RNF130: variants seen among roughly 807,000 people sequenced by gnomAD.
RNF130 encodes ring finger protein 130.
In RNF130, 21 loss-of-function variants were observed where a neutral mutation model predicts 44.6. The ratio of observed to expected loss-of-function variants is 0.47; its 90% confidence interval spans 0.33 to 0.68. The LOEUF is 0.68. Among genes scored for constraint, RNF130 ranks in the 30% least tolerant of loss-of-function variants. RNF130 has a pLI of 0.02. For missense variants in RNF130, 479 were observed against 560.6 expected (o/e 0.85, Z 1.47); for synonymous variants, 214 against 210.4 (o/e 1.02, Z -0.15).
At chr5:179,955,915 A>G (rs1762202549) in intron 8 of RNF130, 1 of 393,870 alleles carries the variant, frequency 2.5e-6, no homozygotes, top group East Asian at 3.7e-5. Flanking sequence ...GGTCAGGCCC[A>G]TGGCGTGTTG....
At chr5:179,918,626 A>T (rs1254898543) in exon 8 of RNF130, 1 of 152,182 alleles carries the variant, frequency 6.6e-6, no homozygotes, top group Non-Finnish European at 1.5e-5. Context: ...TGCTATATTG[A>T]AGCTGCTCAT....
At chr5:180,039,460 A>T (rs890688696) in intron 2 of RNF130, among the ~76,000 whole-genome samples, 7 of 151,774 alleles carry the variant, frequency 4.6e-5, no homozygotes, top group Admixed American at 3.9e-4. Flanking sequence ...GTGGTTTCAA[A>T]CTCCTGACCT....
intron 7 of RNF130, among the ~76,000 whole-genome samples, chr5:179,934,421 G>C (rs1449650998): frequency 1.3e-5 from 2 of 151,950 alleles, no homozygotes; most frequent in African/African-American, 2.4e-5. Flanking sequence ...TTGCAGTGAT[G>C]TCTCTTTTCA....
intron 5 of RNF130, among the ~76,000 whole-genome samples, chr5:179,974,745 T>G (rs547683942): frequency 6.6e-6 from 1 of 151,732 alleles, no homozygotes; most frequent in Non-Finnish European, 1.5e-5. Context: ...GAAATGCGAG[T>G]GTCACGAGAT....
Position 179,926,373 on chromosome 5 carries a change from C to T in RNF130, c.1151-5947G>A, listed in dbSNP as rs529764123. Among the ~76,000 whole-genome samples, 20 of 152,184 alleles carry T rather than the reference C, an allele frequency of 1.3e-4. No homozygotes were observed. In the South Asian group the frequency reaches 2.3e-3, roughly 17 times the overall value. ...TTCATAATAAATCTCAGGCCGGGTG[C>T]GGTGGCTCATGCCTATAATCCCAGC... On this transcript the variant is annotated intron_variant, in intron 7 of 7. Transcript: ENST00000522208.
Position 179,927,751 on chromosome 5 carries a change from T to C in RNF130, c.1151-7325A>G, listed in dbSNP as rs180808548. On this transcript the variant is annotated intron_variant, in intron 7 of 7. Transcript: ENST00000522208. Reference sequence around the variant, plus strand: ...ACAGGTGCCCGCCACCACGCCTGGCTAATTTTTTTTTTGTATTTTTAGTAG... The same window carrying C: ...ACAGGTGCCCGCCACCACGCCTGGCCAATTTTTTTTTTGTATTTTTAGTAG... Among the ~76,000 whole-genome samples the C allele has an allele frequency of 3.6e-3, 542 of 151,830 alleles. 3 individuals carry two copies. The highest frequency in any genetic ancestry group is 0.013 in the African/African-American group (522 of 41,446).
Position 180,004,744 on chromosome 5 carries a change from G to T in RNF130, c.693+8317C>A, listed in dbSNP as rs559600510. Reference sequence around the variant, plus strand: ...TATATTGAGGATAGGTCACTTTGATGAAATTCATCTCAGGTTTTGCCATTC... The same window carrying T: ...TATATTGAGGATAGGTCACTTTGATTAAATTCATCTCAGGTTTTGCCATTC... On this transcript the variant is annotated intron_variant, in intron 3 of 8. Transcript: ENST00000521389. 2.6e-5 allele frequency among the ~76,000 whole-genome samples: 4 copies of T among 152,358 alleles called. No individual in the cohort carries two copies. In the East Asian group the frequency reaches 7.7e-4, roughly 29 times the overall value.
intron 3 of RNF130, among the ~76,000 whole-genome samples, chr5:179,983,787 A>G (rs1320493378): frequency 6.6e-6 from 1 of 152,170 alleles, no homozygotes; most frequent in Non-Finnish European, 1.5e-5. Context: ...GTGTCTCTCC[A>G]CCTACTTAGT....
At chr5:179,999,168 T>C (rs961631998) in intron 3 of RNF130, among the ~76,000 whole-genome samples, 13 of 151,474 alleles carry the variant, frequency 8.6e-5, no homozygotes, top group Admixed American at 8.6e-4. Context: ...ATTACAGGTG[T>C]GTATCACCAT....
At position 180,071,547 on chromosome 5, in the gene RNF130, G is replaced by C. The variant is rs1039929785; in HGVS notation, c.156C>G (p.Leu52=). 59 of 1,415,388 alleles carry C rather than the reference G, an allele frequency of 4.2e-5. No individual in the cohort carries two copies. Among genetic ancestry groups the C allele is most frequent in the Non-Finnish European group, 5.0e-5 (54 of 1,076,264 alleles). 87.7% of individuals were successfully genotyped at this position (1,415,388 alleles called of 1,614,324 possible). The stretch of plus-strand genomic sequence containing the variant: ...AGCGCCCGCGGTCGATGCGAAACGT[G>C]AGCGGGGCGCCGCGGCCGGGCTCCT... ...TVQEPGRGAP[L]TFRIDRGRYG... The change falls in exon 1 of 9, where the codon CTC becomes CTG. Residue 52 remains leucine (L), a synonymous_variant. Transcript: ENST00000521389.
At chr5:179,980,401 C>T (rs761926144) in intron 3 of RNF130, 9 of 544,166 alleles carry the variant, frequency 1.7e-5, no homozygotes, top group African/African-American at 1.9e-5. Context: ...AGTGTTAGAA[C>T]ACCCTGTTAG....
chr5:180,041,486 C>A (rs1258086065), intron 1 of RNF130, among the ~76,000 whole-genome samples: 1 of 152,196 alleles, frequency 6.6e-6, no homozygotes, highest in Non-Finnish European at 1.5e-5. Flanking sequence ...ATTTTTCACT[C>A]TGCACATATG....
At chr5:179,966,192 A>G (rs1762440178) in intron 7 of RNF130, among the ~76,000 whole-genome samples, 1 of 152,020 alleles carries the variant, frequency 6.6e-6, no homozygotes, top group Non-Finnish European at 1.5e-5. Context: ...GCTAGTCGAC[A>G]GTGCAATGTG....
Position 179,960,735 on chromosome 5 carries a change from T to C in RNF130, c.1244+2736A>G, listed in dbSNP as rs368644442. 4.6e-5 allele frequency among the ~76,000 whole-genome samples: 7 copies of C among 152,306 alleles called. No individual in the cohort carries two copies. The East Asian group carries it at 1.4e-3, about 29-fold the overall frequency. ...GTATATGCATAGAGGTGGAGTTTAG[T>C]ATCAATTTTTGGACAGTCATTAAAA... On this transcript the variant is annotated intron_variant, in intron 8 of 8. Transcript: ENST00000521389.
At chr5:180,029,508 A>C (rs1764071837) in intron 2 of RNF130, among the ~76,000 whole-genome samples, 1 of 152,254 alleles carries the variant, frequency 6.6e-6, no homozygotes, top group African/African-American at 2.4e-5. Flanking sequence ...ATCTTTTCAC[A>C]CACTAAGATG....
At chr5:179,979,768 A>G (rs1353418500) in intron 4 of RNF130, among the ~76,000 whole-genome samples, 1 of 152,156 alleles carries the variant, frequency 6.6e-6, no homozygotes, top group Non-Finnish European at 1.5e-5. Context: ...TTTAGGTGAA[A>G]CTCCCTAGAA....
At chr5:179,944,913 T>A (rs559530765) in intron 7 of RNF130, among the ~76,000 whole-genome samples, 1 of 152,258 alleles carries the variant, frequency 6.6e-6, no homozygotes, top group African/African-American at 2.4e-5. Context: ...GCACATATAT[T>A]TGCTCACACG....
chr5:180,042,700 AT>A (rs1321491126), intron 1 of RNF130, among the ~76,000 whole-genome samples: 1 of 152,254 alleles, frequency 6.6e-6, no homozygotes, highest in African/African-American at 2.4e-5. Flanking sequence ...TTTTCAAAAC[AT>A]ACTGCTGCAC....
At chr5:179,923,731 C>A (rs1761665435) in intron 7 of RNF130, among the ~76,000 whole-genome samples, 1 of 152,214 alleles carries the variant, frequency 6.6e-6, no homozygotes, top group Non-Finnish European at 1.5e-5. Context: ...CCTGGAGTTG[C>A]TTTGAACCTA....
Sources: allele counts gnomAD v4.1 joint callset (sites outside exome capture counted in the v4.1 genomes callset), GRCh38; gene constraint gnomAD v4.1.1; transcripts MANE v1.5; gene names NCBI Gene and HGNC (gene_info 2026-07-23, HGNC 2026-07-21).